COX7A2L: variants seen among roughly 807,000 people sequenced by gnomAD.
COX7A2L encodes cytochrome c oxidase subunit 7A2 like, also known as cytochrome c oxidase subunit 7A2-like, mitochondrial.
A neutral mutation model predicts 14.2 loss-of-function variants in COX7A2L; 18 were observed. The observed-to-expected ratio is 1.27, with a 90% CI of 0.88 to 1.88. The LOEUF (loss-of-function observed/expected upper bound fraction) is 1.88, where lower values mean the gene tolerates loss of function less well. COX7A2L is among the 40% of genes most tolerant of loss of function. The pLI, the probability that COX7A2L is intolerant of heterozygous loss-of-function variation, is 0.00. For synonymous variants in COX7A2L, 65 were observed against 57.4 expected (o/e 1.13, Z -0.60); for missense variants, 179 against 138.8 (o/e 1.29, Z -1.46).
chr2:42,363,413 G>T (rs999227259), upstream of COX7A2L, among the ~76,000 whole-genome samples: 3 of 152,170 alleles, frequency 2.0e-5, no homozygotes, highest in Admixed American at 2.0e-4. Context: ...AAGAAGAAAC[G>T]AAAGAATATT....
rs996731466 is a variant in COX7A2L, at chr2:42,349,510, A to G, written c.*1709T>C. On this transcript the variant is annotated 3_prime_UTR_variant, in exon 3 of 3. Transcript: ENST00000234301. ...GTATGGGGTTTCTTTTTAGGGTGAT[A>G]TAAGTGTTCTAAAATTGATTCTCAT... 1.3e-5 allele frequency: 2 copies of G among 152,228 alleles called. No individual in the cohort carries two copies. Among genetic ancestry groups the G allele is most frequent in the African/African-American group, 2.4e-5 (1 of 41,468 alleles). The allele number at this position is 152,228 out of a possible 1,614,324, so 9.4% of individuals were successfully genotyped here. A position where few individuals can be genotyped will look rare whatever the true frequency, so the allele number is the denominator to read the frequency against.
At position 42,353,343 on chromosome 2, in the gene COX7A2L, C is replaced by A. The variant is rs201867610; in HGVS notation, c.73G>T (p.Gly25Ter). ...TCTGTGGAAACCACAGGCTTTAATC[C>A]CTGTAGAGAAAAAAAGGAAAATGGC... ...AWASEAYSPQ[G>*]LKPVVSTEAP... Residue 25 changes from glycine (G) to a stop codon, truncating the protein, a stop_gained and splice_region_variant, in exon 2 of 3, where the codon GGA becomes TGA. Transcript: ENST00000234301. LOFTEE classifies it high-confidence loss of function. The A allele has an allele frequency of 4.7e-5, 76 of 1,611,944 alleles. No individual in the cohort carries two copies. The South Asian group carries it at 7.5e-4, about 16-fold the overall frequency.
chr2:42,341,257 TC>T (rs1670399186), intron 2 of COX7A2L, among the ~76,000 whole-genome samples: 1 of 151,964 alleles, frequency 6.6e-6, no homozygotes, highest in Non-Finnish European at 1.5e-5. Context: ...TGATGAGAAC[TC>T]ACATCTACCC....
At position 42,358,268 on chromosome 2, in the gene COX7A2L, C is replaced by T. The variant is rs182659707; in HGVS notation, c.72+2822G>A. Among the ~76,000 whole-genome samples, 124 of 152,228 alleles carry T rather than the reference C, an allele frequency of 8.1e-4. 2 individuals carry two copies. Among genetic ancestry groups the T allele is most frequent in the African/African-American group, 2.9e-3 (122 of 41,526 alleles). ...TTAAACATCTTCATGTGCTTATTGG[C>T]CTCAATTTATTTTTGACGCAATTCA... On this transcript the variant is annotated intron_variant, in intron 1 of 2. Transcript: ENST00000234301.
chr2:42,338,986 G>C lies in COX7A2L; in HGVS notation c.193-5117C>G, dbSNP rs971269177. Among the ~76,000 whole-genome samples, 1 of 152,174 alleles carries C rather than the reference G, an allele frequency of 6.6e-6. No homozygotes were observed. The highest frequency in any genetic ancestry group is 2.4e-5 in the African/African-American group (1 of 41,456). On this transcript the variant is annotated intron_variant, in intron 2 of 2. Transcript: ENST00000468711. This position sits in a 1 kb window ranked among gnomAD's most constrained non-coding sequence, Gnocchi z 4.4. ...GAGCGCCAGGAAGGCTGTCCCCTCT[G>C]ATCACTGGCTGGAGCCTGCATCACA...
chr2:42,360,889 C>A (rs1671008314), intron 1 of COX7A2L: 1 of 626,010 alleles, frequency 1.6e-6, no homozygotes, highest in Non-Finnish European at 2.8e-6. Flanking sequence ...CAGGCCAGCC[C>A]CCGCCAGGTG....
At chr2:42,360,533 C>A (rs889994732) in intron 1 of COX7A2L, among the ~76,000 whole-genome samples, 4 of 152,174 alleles carry the variant, frequency 2.6e-5, no homozygotes, top group African/African-American at 4.8e-5. Context: ...ATTTTACAAT[C>A]GGGAAAGTGT....
At chr2:42,349,164 T>C (rs1353127549), downstream of COX7A2L, among the ~76,000 whole-genome samples, 69 of 152,238 alleles carry the variant, frequency 4.5e-4, no homozygotes, top group Admixed American at 4.5e-3. Flanking sequence ...ATGTTCACTA[T>C]TGCTCATAGC....
chr2:42,352,261 C>G (rs1479178176), intron 2 of COX7A2L, among the ~76,000 whole-genome samples: 1 of 152,130 alleles, frequency 6.6e-6, no homozygotes, highest in Non-Finnish European at 1.5e-5. Flanking sequence ...CCTCAAAATC[C>G]TGGGCTAAAG....
chr2:42,340,885 T>C lies in COX7A2L; in HGVS notation c.193-7016A>G, dbSNP rs576180067. On this transcript the variant is annotated intron_variant, in intron 2 of 2. Coordinates refer to the COX7A2L transcript ENST00000468711. ...CGCAGCACACTGCAGAAGGAATGAT[T>C]TGTGCTTCAAGAGCTACTGATGGCA... 9.0e-4 allele frequency among the ~76,000 whole-genome samples: 137 copies of C among 152,264 alleles called. 1 individual carries two copies. Among genetic ancestry groups the C allele is most frequent in the African/African-American group, 3.1e-3 (130 of 41,542 alleles).
intron 2 of COX7A2L, 62 bp downstream of exon 2, chr2:42,353,150 T>A: frequency 1.3e-6 from 2 of 1,574,868 alleles, no homozygotes; most frequent in Non-Finnish European, 1.7e-6. Flanking sequence ...TTTAGTTTCA[T>A]AAGGGATTTT....
chr2:42,367,239 C>A (rs1671181814), intron 1 of COX7A2L, among the ~76,000 whole-genome samples: 1 of 152,182 alleles, frequency 6.6e-6, no homozygotes, highest in African/African-American at 2.4e-5. Context: ...GATCCCAGAT[C>A]TTCCTACTGA....
chr2:42,357,173 G>C (rs1415174110), intron 1 of COX7A2L, among the ~76,000 whole-genome samples: 1 of 152,096 alleles, frequency 6.6e-6, no homozygotes, highest in African/African-American at 2.4e-5. Context: ...CTACCTCTTA[G>C]GTTTGGGGAA....
At chr2:42,367,104 CA>C (rs1395084313) in intron 1 of COX7A2L, among the ~76,000 whole-genome samples, 7 of 152,154 alleles carry the variant, frequency 4.6e-5, no homozygotes. Context: ...CTCAGATTCT[CA>C]GATGGTGGAG....
chr2:42,347,862 G>A (rs769539973), downstream of COX7A2L, among the ~76,000 whole-genome samples: 5 of 152,124 alleles, frequency 3.3e-5, no homozygotes, highest in African/African-American at 7.2e-5. Context: ...CAGAGGCTGC[G>A]GTGAGCCGAG....
chr2:42,354,802 T>C (rs1019481557), intron 1 of COX7A2L, among the ~76,000 whole-genome samples: 2 of 152,212 alleles, frequency 1.3e-5, no homozygotes, highest in Non-Finnish European at 2.9e-5. Context: ...ATGAATAACA[T>C]TGCCACAGTC....
At position 42,361,188 on chromosome 2, in the gene COX7A2L, C is replaced by G. The variant is rs763634759; in HGVS notation, c.-27G>C. 1.3e-6 allele frequency: 2 copies of G among 1,583,422 alleles called. No individual in the cohort carries two copies. The highest frequency in any genetic ancestry group is 1.3e-5 in the African/African-American group (1 of 74,626). ...ACGCCCAGAGTCCGGCTTCCCGCAT[C>G]CGCTGCCAACGCGACCGCCCCAGAG... On this transcript the variant is annotated 5_prime_UTR_variant, in exon 1 of 3. Transcript: ENST00000234301.
At chr2:42,354,434 TA>T in intron 1 of COX7A2L, among the ~76,000 whole-genome samples, 1 of 152,034 alleles carries the variant, frequency 6.6e-6, no homozygotes, top group East Asian at 1.9e-4. Flanking sequence ...CTAAGAAAAA[TA>T]AAAATTTAAA....
rs1302010934 is a variant in COX7A2L at position 42,360,897 on chromosome 2, G to C, written c.72+193C>G. On this transcript the variant is annotated intron_variant, in intron 1 of 2. Coordinates refer to ENST00000234301, the MANE Select transcript of COX7A2L (RefSeq NM_004718.4). ...TCCACGCCAGGCCAGCCCCCGCCAGGTGAGCAGGTACACAAAAAGAAGCCT... is the reference window on the plus strand; with the variant it reads ...TCCACGCCAGGCCAGCCCCCGCCAGCTGAGCAGGTACACAAAAAGAAGCCT... 7.4e-5 allele frequency: 47 copies of C among 639,450 alleles called. No homozygotes were observed. In the East Asian group the frequency reaches 1.3e-3, roughly 18 times the overall value. 39.6% of individuals were successfully genotyped at this position (639,450 alleles called of 1,614,324 possible).
Sources: allele counts gnomAD v4.1 joint callset (sites outside exome capture counted in the v4.1 genomes callset), GRCh38; gene constraint gnomAD v4.1.1; non-coding constraint Gnocchi (gnomAD v3.1); transcripts MANE v1.5; gene names NCBI Gene and HGNC (gene_info 2026-07-23, HGNC 2026-07-21).